Variants in DDB1 observed in about 807,000 individuals in gnomAD.
The protein encoded by DDB1 is DNA damage-binding protein 1.
DDB1 carries 18 observed loss-of-function variants against 133.1 expected under a neutral mutation model. That is an observed-to-expected ratio of 0.14 (90% CI 0.09 to 0.20). DDB1 has a LOEUF of 0.20. Ranked by LOEUF, DDB1 falls within the 10% of genes least tolerant of loss-of-function variation. The pLI is 1.00. For missense variants in DDB1, 828 were observed against 1,459.2 expected (o/e 0.57, Z 7.05); for synonymous variants, 580 against 550.5 (o/e 1.05, Z -0.75).
chr11:61,313,715 A>T lies in DDB1; in HGVS notation c.1862-9T>A, dbSNP rs951119054. ...ACGGTCGCTCAACAGACCTACAGAG[A>T]GAATGACATCAGGAGAAAGGAAGAA... On this transcript the variant is annotated splice_polypyrimidine_tract_variant and intron_variant, in intron 15 of 26. Transcript: ENST00000301764. The T allele has an allele frequency of 3.1e-6, 5 of 1,601,170 alleles. No individual in the cohort carries two copies. The African/African-American group carries it at 6.7e-5, about 22-fold the overall frequency.
chr11:61,316,465 T>A, intron 11 of DDB1, 27 bp downstream of exon 11: 1 of 1,613,916 alleles, frequency 6.2e-7, no homozygotes, highest in Non-Finnish European at 8.5e-7. Flanking sequence ...CACCAGCACC[T>A]ACAGCTGGCA....
At chr11:61,323,203 AT>A (rs765730600) in intron 7 of DDB1, 109 bp from the exon 8 acceptor site, 251 of 844,812 alleles carry the variant, frequency 3.0e-4, no homozygotes, top group Non-Finnish European at 3.7e-4. Flanking sequence ...TGCAGCCATA[AT>A]TCAGAACAGT....
rs577384715 is a variant in DDB1, at chr11:61,321,629, G to A, written c.1191C>T (p.His397=). 5.1e-5 allele frequency: 83 copies of A among 1,614,064 alleles called. No homozygotes were observed. In the South Asian group the frequency reaches 7.5e-4, roughly 15 times the overall value. Reference sequence around the variant, plus strand: ...CTGGTAAGTCAATGCTGGCATGCTCGTGGATTCCAATTCCATTCCGGATGA... The same window carrying A: ...CTGGTAAGTCAATGCTGGCATGCTCATGGATTCCAATTCCATTCCGGATGA... ...LRIIRNGIGI[H]EHASIDLPGI... is the part of the protein sequence containing the mutation. Residue 397 remains histidine (H), a synonymous_variant, in exon 10 of 27, where the codon CAC becomes CAT. Transcript: ENST00000301764.
At chr11:61,314,286 G>A in intron 13 of DDB1, 22 bp downstream of exon 13, 2 of 1,599,432 alleles carry the variant, frequency 1.3e-6, no homozygotes. Context: ...AGGAAAGCGA[G>A]CAGACAGAAA....
intron 9 of DDB1, 37 bp downstream of exon 9, chr11:61,322,259 G>T: frequency 6.7e-7 from 1 of 1,499,866 alleles, no homozygotes; most frequent in Non-Finnish European, 9.3e-7. Flanking sequence ...GTTTGAGTGG[G>T]CATATACCAA....
intron 26 of DDB1, among the ~76,000 whole-genome samples, 192 bp downstream of exon 26, chr11:61,300,617 T>C (rs1297190985): frequency 6.6e-6 from 1 of 152,218 alleles, no homozygotes; most frequent in Non-Finnish European, 1.5e-5. Flanking sequence ...ATCTGGTACC[T>C]AGTGGGTACC....
chr11:61,316,997 A>ATATATATATATG (rs1856096114), intron 10 of DDB1, among the ~76,000 whole-genome samples: 1 of 101,042 alleles, frequency 9.9e-6, no homozygotes, highest in East Asian at 3.3e-4. Flanking sequence ...ATATATATAT[A>ATATATATATATG]TAGACATGGC....
chr11:61,306,810 A>G (rs1855889096), intron 21 of DDB1, among the ~76,000 whole-genome samples: 1 of 152,204 alleles, frequency 6.6e-6, no homozygotes, highest in South Asian at 2.1e-4. Flanking sequence ...CTTCCACTCC[A>G]GGTAAGGAAA....
At chr11:61,326,721 A>C (rs1856276508) in intron 5 of DDB1, 58 bp downstream of exon 5, 2 of 1,411,646 alleles carry the variant, frequency 1.4e-6, no homozygotes. Flanking sequence ...GGAGCGAACA[A>C]GAACAGGGAA....
At chr11:61,329,298 TTAG>T (rs1391643641) in intron 4 of DDB1, 62 bp downstream of exon 4, 1 of 1,465,958 alleles carries the variant, frequency 6.8e-7, no homozygotes, top group East Asian at 2.3e-5. Flanking sequence ...GACATGCCAG[TTAG>T]CAAAAACAAC....
chr11:61,316,050 G>T (rs1590690019), intron 12 of DDB1: 4 of 433,040 alleles, frequency 9.2e-6, no homozygotes, highest in South Asian at 1.1e-4. Context: ...GTCTATAAAA[G>T]AAAATGTAAA....
Position 61,329,721 on chromosome 11 carries a change from A to G in DDB1, c.328-137T>C, listed in dbSNP as rs1268962209. ...TCTATTTGATAGGCCAAATAGTTGG[A>G]GCCCCAATGTCAGTGCATGCCTTTT... On this transcript the variant is annotated intron_variant, in intron 3 of 26. Transcript: ENST00000301764. 4.9e-6 allele frequency: 4 copies of G among 814,416 alleles called. No homozygotes were observed. The African/African-American group carries it at 5.2e-5, about 11-fold the overall frequency. The allele number at this position is 814,416 out of a possible 1,614,324, so 50.4% of individuals were successfully genotyped here. A position where few individuals can be genotyped will look rare whatever the true frequency, so the allele number is the denominator to read the frequency against.
rs556845314 is a variant in DDB1, at chr11:61,322,107, T to C, written c.1122+189A>G. The C allele has an allele frequency of 1.8e-5, 11 of 619,760 alleles. No homozygotes were observed. In the Middle Eastern group the frequency reaches 1.4e-3, roughly 76 times the overall value. The allele number at this position is 619,760 out of a possible 1,614,324, so 38.4% of individuals were successfully genotyped here. A position where few individuals can be genotyped will look rare whatever the true frequency, so the allele number is the denominator to read the frequency against. ...AGGGTACTTGTGTAATTAGAGATAA[T>C]GTATATAAAGTGCCTGGCAGACCAA... On this transcript the variant is annotated intron_variant, in intron 9 of 26. Coordinates refer to ENST00000301764, the MANE Select transcript of DDB1 (RefSeq NM_001923.5).
intron 10 of DDB1, among the ~76,000 whole-genome samples, chr11:61,319,799 G>C (rs1009027796): frequency 6.6e-6 from 1 of 152,166 alleles, no homozygotes; most frequent in Non-Finnish European, 1.5e-5. Context: ...ACTTGTCTAA[G>C]TCAAGGAAAC....
intron 25 of DDB1, chr11:61,301,923 C>A: frequency 5.2e-6 from 1 of 192,366 alleles, no homozygotes; most frequent in African/African-American, 2.3e-5. Flanking sequence ...CAACCAAATC[C>A]CTGAAAGGAT....
At chr11:61,323,933 G>A in intron 7 of DDB1, 46 bp downstream of exon 7, 1 of 1,605,744 alleles carries the variant, frequency 6.2e-7, no homozygotes, top group Non-Finnish European at 8.5e-7. Context: ...GGTGTCTTTA[G>A]GAACCTAAAA....
Position 61,326,676 on chromosome 11 carries a change from T to C in DDB1, c.664+103A>G, listed in dbSNP as rs28720273. ...GGTAAACAATGCACACCTTCAATAA[T>C]ACCGAGCGCCAAAACGAAGGGCAGA... On this transcript the variant is annotated intron_variant, in intron 5 of 26. Transcript: ENST00000301764. The C allele has an allele frequency of 4.3e-4, 375 of 876,392 alleles. No individual in the cohort carries two copies. The African/African-American group carries it at 5.7e-3, about 13-fold the overall frequency. 54.3% of individuals were successfully genotyped at this position (876,392 alleles called of 1,614,324 possible). A position where few individuals can be genotyped will look rare whatever the true frequency, so the allele number is the denominator to read the frequency against.
rs373688476 is a variant in DDB1, at chr11:61,302,572, G to A, written c.3112+10C>T. 41 of 1,613,980 alleles carry A rather than the reference G, an allele frequency of 2.5e-5. No homozygotes were observed. The African/African-American group carries it at 4.8e-4, about 19-fold the overall frequency. ...CTGTGTGGGGGTGTGCCCCACAGGGGTGACCTTACCTATCATGCCGTTGAC... is the reference window on the plus strand; with the variant it reads ...CTGTGTGGGGGTGTGCCCCACAGGGATGACCTTACCTATCATGCCGTTGAC... On this transcript the variant is annotated intron_variant, in intron 24 of 26. Transcript: ENST00000301764.
Position 61,303,852 on chromosome 11 carries a change from C to G in DDB1, c.2832+13G>C. The G allele has an allele frequency of 6.2e-7, 1 of 1,613,554 alleles. No homozygotes were observed. The highest frequency in any genetic ancestry group is 2.2e-5 in the East Asian group (1 of 44,876). On this transcript the variant is annotated intron_variant, in intron 22 of 26. Coordinates refer to ENST00000301764, the MANE Select transcript of DDB1 (RefSeq NM_001923.5). ...AAGCAAGAAGTCTGCTCGCATCCCC[C>G]CACCAGCATCACCTCTTCAAAGTTT...
Sources: gnomAD v4.1 joint callset for allele counts (sites outside exome capture counted in the v4.1 genomes callset) on GRCh38, gnomAD v4.1.1 for gene constraint, MANE v1.5 for transcripts, NCBI Gene and HGNC (gene_info 2026-07-23, HGNC 2026-07-21) for gene names.